SRPRA: variants seen among roughly 807,000 people sequenced by gnomAD.
The protein encoded by SRPRA is signal recognition particle receptor subunit alpha.
SRPRA carries 30 observed loss-of-function variants against 61.1 expected under a neutral mutation model. The observed-to-expected ratio is 0.49, with a 90% CI of 0.37 to 0.67. The LOEUF is 0.67. Ranked by LOEUF, SRPRA falls within the 30% of genes least tolerant of loss-of-function variation. The pLI is 0.00. For synonymous variants in SRPRA, 324 were observed against 299.7 expected (o/e 1.08, Z -0.84); for missense variants, 759 against 828.4 (o/e 0.92, Z 1.03).
At position 126,265,593 on chromosome 11, in the gene SRPRA, C is replaced by T; in HGVS notation, c.1138+144G>A. 3 of 1,217,002 alleles carry T rather than the reference C, an allele frequency of 2.5e-6. No homozygotes were observed. The highest frequency in any genetic ancestry group is 3.5e-6 in the Non-Finnish European group (3 of 860,500). 75.4% of individuals were successfully genotyped at this position (1,217,002 alleles called of 1,614,324 possible). A position where few individuals can be genotyped will look rare whatever the true frequency, so the allele number is the denominator to read the frequency against. On this transcript the variant is annotated intron_variant, in intron 9 of 13. Coordinates refer to ENST00000332118, the MANE Select transcript of SRPRA (RefSeq NM_003139.4). The surrounding 1 kb of genome is among the most constrained non-coding windows in gnomAD (Gnocchi z 6.3). The stretch of plus-strand genomic sequence containing the variant: ...GACGCACATTACAAGGACTAACTCA[C>T]TGAATCCTCTCAATAACCCTTAAAA...
chr11:126,250,708 C>T, the SRPRA span: 3 of 1,613,782 alleles, frequency 1.9e-6, no homozygotes, highest in Non-Finnish European at 2.5e-6. This position sits in a 1 kb window ranked among gnomAD's most constrained non-coding sequence, Gnocchi z 5.1. Flanking sequence ...CAGCTTGAAT[C>T]CCTTGACCTT....
chr11:126,258,048 G>A (rs1950608115), downstream of SRPRA, among the ~76,000 whole-genome samples: 1 of 152,166 alleles, frequency 6.6e-6, no homozygotes. Context: ...TGGCTGTTGT[G>A]CACAGAATAT....
At chr11:126,257,883 C>G in the SRPRA span, among the ~76,000 whole-genome samples, 725 of 152,236 alleles carry the variant, frequency 4.8e-3, 7 homozygotes, top group Non-Finnish European at 7.7e-3. Context: ...ATTAAAGATT[C>G]AGCTGATTAG....
At chr11:126,250,029 G>C in the SRPRA span, among the ~76,000 whole-genome samples, 13 of 151,714 alleles carry the variant, frequency 8.6e-5, no homozygotes, top group Admixed American at 5.2e-4. This position sits in a 1 kb window ranked among gnomAD's most constrained non-coding sequence, Gnocchi z 5.1. Context: ...CTAAGCACTT[G>C]GCATGTATCA....
Position 126,266,526 on chromosome 11 carries a change from G to C in SRPRA, c.790C>G (p.Pro264Ala). The C allele has an allele frequency of 6.2e-7, 1 of 1,614,200 alleles. No homozygotes were observed. Among genetic ancestry groups the C allele is most frequent in the Non-Finnish European group, 8.5e-7 (1 of 1,180,024 alleles). Residue 264 changes from proline to alanine, a missense_variant, in exon 6 of 14, where the codon CCC (proline) becomes GCC (alanine). By Grantham distance (27) the Pro-to-Ala change is conservative (BLOSUM62 -1). Transcript: ENST00000332118. ...ANKEVLDYST[P>A]TTNGTPEAAL... ...GCCTCAGGGGTTCCATTGGTGGTGG[G>C]AGTACTGTAATCCAACACTTCTTTG...
rs758205118 is a variant in SRPRA at position 126,264,575 on chromosome 11, A to ACTAC, written c.1526-40_1526-37dup. ...AAAGTAGTCAACTCTGAACACCTGG[A>ACTAC]CTACCACTCATGCTCGTTCCCAGCT... On this transcript the variant is annotated intron_variant, in intron 11 of 13. Coordinates refer to ENST00000332118, the MANE Select transcript of SRPRA (RefSeq NM_003139.4). The surrounding 1 kb of genome is among the most constrained non-coding windows in gnomAD (Gnocchi z 5.0). 2 of 1,607,346 alleles carry ACTAC rather than the reference A, an allele frequency of 1.2e-6. No homozygotes were observed. The highest frequency in any genetic ancestry group is 2.2e-5 in the East Asian group (1 of 44,832).
At chr11:126,261,197 A>G (rs1237798304), downstream of SRPRA, 1 of 525,314 alleles carries the variant, frequency 1.9e-6, no homozygotes, top group Non-Finnish European at 3.4e-6. Context: ...TCTACAAGCA[A>G]TCGTAGTGCA....
chr11:126,263,551 A>C lies in SRPRA; in HGVS notation c.*365T>G, dbSNP rs942644265. On this transcript the variant is annotated 3_prime_UTR_variant, in exon 14 of 14. Transcript: ENST00000332118. The stretch of plus-strand genomic sequence containing the variant: ...AGTCTCTTAACCTAATGCAGCTGGG[A>C]CTCATTAGGCTCAGACGGCTCTTGA... 1.0e-5 allele frequency: 2 copies of C among 192,444 alleles called. No homozygotes were observed. Among genetic ancestry groups the C allele is most frequent in the Admixed American group, 5.4e-5 (1 of 18,422 alleles). The allele number at this position is 192,444 out of a possible 1,614,324, so 11.9% of individuals were successfully genotyped here.
chr11:126,239,151 G>T, the SRPRA span, among the ~76,000 whole-genome samples: 79,492 of 151,346 alleles, frequency 0.53, 21,855 homozygotes, highest in East Asian at 0.81. Context: ...TTCTTTCTTT[G>T]TTTGGCAGAG....
rs750117688 is a variant in SRPRA at position 126,265,314 on chromosome 11, G to C, written c.1265C>G (p.Thr422Ser). The C allele has an allele frequency of 6.2e-7, 1 of 1,614,186 alleles. No homozygotes were observed. Among genetic ancestry groups the C allele is most frequent in the Non-Finnish European group, 8.5e-7 (1 of 1,180,044 alleles). The change falls in exon 10 of 14, where the codon ACC becomes AGC. Residue 422 changes from threonine (T) to serine (S), a missense_variant. By Grantham distance (58) the Thr-to-Ser change is moderately conservative. This residue lies in a region of SRPRA where 284 missense variants were observed against 365.9 expected (regional missense o/e 0.78). Transcript: ENST00000332118. This position sits in a 1 kb window ranked among gnomAD's most constrained non-coding sequence, Gnocchi z 6.3. ...AQRRQRPYVV[T>S]FCGVNGVGKS... ...CCCCACTCCATTAACGCCGCAGAAG[G>C]TGACGACATAAGGGCGCTGGCGACG... is the stretch of plus-strand genomic sequence containing the variant.
the SRPRA span, among the ~76,000 whole-genome samples, chr11:126,236,437 A>G: frequency 2.0e-5 from 3 of 152,000 alleles, no homozygotes. Flanking sequence ...AATCCTTTGT[A>G]TTGTATGACC....
chr11:126,237,215 C>CTTTTTTTTTT, the SRPRA span, among the ~76,000 whole-genome samples: 7 of 43,112 alleles, frequency 1.6e-4, 1 homozygote, highest in Non-Finnish European at 2.4e-4. Context: ...CGCGCCTGGC[C>CTTTTTTTTTT]TTTTTTTTTT....
chr11:126,238,870 G>GTA, the SRPRA span, among the ~76,000 whole-genome samples: 2 of 150,394 alleles, frequency 1.3e-5, no homozygotes, highest in Non-Finnish European at 2.9e-5. Context: ...TACTTTTTAG[G>GTA]TATATATACC....
the SRPRA span, among the ~76,000 whole-genome samples, chr11:126,254,918 T>G: frequency 6.6e-6 from 1 of 152,238 alleles, no homozygotes; most frequent in Non-Finnish European, 1.5e-5. Context: ...AGAATTTCTC[T>G]TAAGGTGTCA....
At chr11:126,246,757 A>C in the SRPRA span, among the ~76,000 whole-genome samples, 17,849 of 152,052 alleles carry the variant, frequency 0.12, 1,095 homozygotes, top group South Asian at 0.14. Flanking sequence ...TCTTGTTTTT[A>C]CTAAGTTTCA....
chr11:126,240,720 A>C, the SRPRA span: 2 of 1,440,668 alleles, frequency 1.4e-6, no homozygotes, highest in Non-Finnish European at 1.9e-6. Context: ...CTGTAACCTG[A>C]GTCAGACAGT....
chr11:126,237,916 ATTTT>A, the SRPRA span, among the ~76,000 whole-genome samples: 1 of 150,424 alleles, frequency 6.6e-6, no homozygotes, highest in Admixed American at 6.6e-5. Context: ...TTTTCTTTTA[ATTTT>A]TTTTTCTCCT....
the SRPRA span, among the ~76,000 whole-genome samples, chr11:126,236,457 G>GT: frequency 3.3e-5 from 5 of 151,960 alleles, no homozygotes; most frequent in African/African-American, 9.7e-5. Flanking sequence ...CTCTTTCCCT[G>GT]TTTTTTGTTT....
chr11:126,243,116 G>T, the SRPRA span, among the ~76,000 whole-genome samples: 1 of 152,164 alleles, frequency 6.6e-6, no homozygotes, highest in African/African-American at 2.4e-5. Flanking sequence ...GACATATATT[G>T]TATGATTCCA....
Sources: allele counts gnomAD v4.1 joint callset (sites outside exome capture counted in the v4.1 genomes callset), GRCh38; gene constraint gnomAD v4.1.1; regional missense constraint gnomAD v4.1.1; non-coding constraint Gnocchi (gnomAD v3.1); transcripts MANE v1.5; gene names NCBI Gene and HGNC (gene_info 2026-07-23, HGNC 2026-07-21).